VKORC1L1: variants seen among roughly 807,000 people sequenced by gnomAD.
The protein encoded by VKORC1L1 is vitamin K epoxide reductase complex subunit 1L1, also known as vitamin K epoxide reductase complex subunit 1-like protein 1.
In VKORC1L1, 2 loss-of-function variants were observed where a neutral mutation model predicts 18.9. That is an observed-to-expected ratio of 0.11 (90% CI 0.04 to 0.33). The LOEUF (loss-of-function observed/expected upper bound fraction) is 0.33. VKORC1L1 is among the 10% of genes least tolerant of loss of function. The pLI, the probability that VKORC1L1 is intolerant of heterozygous loss-of-function variation, is 1.00. For synonymous variants in VKORC1L1, 96 were observed against 100.0 expected, an observed-to-expected ratio of 0.96 and a Z score of 0.24; for missense variants, 123 against 224.1, an observed-to-expected ratio of 0.55 and a Z score of 2.88.
At chr7:65,868,332 G>A (rs1351568046), upstream of VKORC1L1, among the ~76,000 whole-genome samples, 1 of 152,132 alleles carries the variant, frequency 6.6e-6, no homozygotes, top group Non-Finnish European at 1.5e-5. Context: ...AAAGATGTTG[G>A]TGAGGATTCA....
chr7:65,926,647 C>G (rs1246247224), intron 1 of VKORC1L1, among the ~76,000 whole-genome samples: 1 of 152,192 alleles, frequency 6.6e-6, no homozygotes, highest in Non-Finnish European at 1.5e-5. Context: ...AAGACACCTG[C>G]ACATGCATGT....
intron 1 of VKORC1L1, among the ~76,000 whole-genome samples, chr7:65,939,009 A>G (rs187906816): frequency 6.6e-6 from 1 of 152,302 alleles, no homozygotes; most frequent in Admixed American, 6.5e-5. Context: ...TGAAGAGAAG[A>G]TTCTCAAAGA....
chr7:65,909,976 A>G (rs1387918132), intron 1 of VKORC1L1, among the ~76,000 whole-genome samples: 1 of 151,954 alleles, frequency 6.6e-6, no homozygotes, highest in African/African-American at 2.4e-5. Context: ...TCGGCCTCCC[A>G]AAGTGCTGGG....
At chr7:65,909,059 T>G (rs1373301851) in intron 1 of VKORC1L1, among the ~76,000 whole-genome samples, 1 of 147,380 alleles carries the variant, frequency 6.8e-6, no homozygotes, top group Non-Finnish European at 1.5e-5. Flanking sequence ...CACCTGAGGT[T>G]GGGAGTTCAA....
At chr7:65,936,730 T>G (rs1289905494) in intron 1 of VKORC1L1, among the ~76,000 whole-genome samples, 1 of 152,232 alleles carries the variant, frequency 6.6e-6, no homozygotes, top group Non-Finnish European at 1.5e-5. Flanking sequence ...CTTTCCTTGC[T>G]GGGATTTTCT....
chr7:65,947,386 A>T lies in VKORC1L1; in HGVS notation c.195-1285A>T, dbSNP rs189012570. 9.6e-3 allele frequency among the ~76,000 whole-genome samples: 1,395 copies of T among 144,896 alleles called. 25 individuals are homozygous for T. Among genetic ancestry groups the T allele is most frequent in the African/African-American group, 0.032 (1,256 of 39,618 alleles). On this transcript the variant is annotated intron_variant, in intron 1 of 2. Coordinates refer to ENST00000360768, the MANE Select transcript of VKORC1L1 (RefSeq NM_173517.6). ...CAAAGTTTAGATTTTGTTTAGACTG[A>T]TTCTCTACTGACTTAACACCATAAC...
At chr7:65,878,943 G>T (rs1033015222) in intron 1 of VKORC1L1, among the ~76,000 whole-genome samples, 21 of 152,108 alleles carry the variant, frequency 1.4e-4, no homozygotes, top group East Asian at 3.8e-4. Context: ...GTCTAGGTAA[G>T]GCATTCGCTG....
intron 2 of VKORC1L1, among the ~76,000 whole-genome samples, chr7:65,952,994 A>G (rs1790238849): frequency 6.6e-6 from 1 of 151,210 alleles, no homozygotes; most frequent in African/African-American, 2.4e-5. Context: ...AGGGGCTTTC[A>G]CCATGTTGGC....
intron 1 of VKORC1L1, among the ~76,000 whole-genome samples, chr7:65,907,111 A>G (rs538951979): frequency 6.6e-6 from 1 of 152,290 alleles, no homozygotes; most frequent in Admixed American, 6.5e-5. Flanking sequence ...TTTTCACATT[A>G]TAATGTGAAA....
chr7:65,937,734 C>T (rs955385991), intron 1 of VKORC1L1, among the ~76,000 whole-genome samples: 1 of 152,114 alleles, frequency 6.6e-6, no homozygotes, highest in Non-Finnish European at 1.5e-5. Flanking sequence ...TTTTTAATGC[C>T]TTGGTCTTAC....
intron 1 of VKORC1L1, among the ~76,000 whole-genome samples, chr7:65,878,623 G>A (rs1156590300): frequency 1.3e-5 from 2 of 151,966 alleles, no homozygotes; most frequent in East Asian, 3.9e-4. Flanking sequence ...TTAAATTCTT[G>A]GCTGGACGCA....
chr7:65,939,781 G>C (rs1790004697), intron 1 of VKORC1L1, among the ~76,000 whole-genome samples: 1 of 152,186 alleles, frequency 6.6e-6, no homozygotes, highest in Non-Finnish European at 1.5e-5. Flanking sequence ...TGGTGTCAGG[G>C]CCTAGCTGCT....
chr7:65,889,241 A>G (rs1436288626), intron 1 of VKORC1L1, among the ~76,000 whole-genome samples: 1 of 152,160 alleles, frequency 6.6e-6, no homozygotes, highest in African/African-American at 2.4e-5. Flanking sequence ...CAACATTTTT[A>G]TCTCTACCCC....
intron 1 of VKORC1L1, among the ~76,000 whole-genome samples, chr7:65,895,475 AAAAAAATATATATATATATAT>A (rs1789183163): frequency 7.0e-5 from 3 of 42,814 alleles, no homozygotes; most frequent in Non-Finnish European, 7.7e-5. Context: ...AAAAAAAAAA[AAAAAAATATATATATATATAT>A]ATATATATAT....
At chr7:65,883,042 A>C (rs1464861124) in intron 1 of VKORC1L1, among the ~76,000 whole-genome samples, 2 of 152,174 alleles carry the variant, frequency 1.3e-5, no homozygotes, top group Non-Finnish European at 2.9e-5. Flanking sequence ...AAACAAAACA[A>C]ATTTGACATA....
chr7:65,949,658 C>T (rs1395766273), intron 2 of VKORC1L1, among the ~76,000 whole-genome samples: 1 of 151,830 alleles, frequency 6.6e-6, no homozygotes, highest in Non-Finnish European at 1.5e-5. Context: ...GTGGCACACA[C>T]CTGTAGTCCC....
chr7:65,869,631 G>C (rs959586006), upstream of VKORC1L1, among the ~76,000 whole-genome samples: 1 of 137,396 alleles, frequency 7.3e-6, no homozygotes, highest in African/African-American at 2.6e-5. Context: ...GGCAAAACAC[G>C]ATTTCATTCT....
intron 1 of VKORC1L1, among the ~76,000 whole-genome samples, chr7:65,874,012 C>G (rs1333087520): frequency 1.3e-5 from 2 of 152,150 alleles, no homozygotes; most frequent in African/African-American, 4.8e-5. Flanking sequence ...TCCCCCCGAT[C>G]GCTGCAGCCG....
Position 65,893,394 on chromosome 7 carries a change from A to T in VKORC1L1, c.194+19829A>T, listed in dbSNP as rs551370152. Among the ~76,000 whole-genome samples, 10 of 152,178 alleles carry T rather than the reference A, an allele frequency of 6.6e-5. No homozygotes were observed. In the East Asian group the frequency reaches 1.9e-3, roughly 29 times the overall value. On this transcript the variant is annotated intron_variant, in intron 1 of 2. Transcript: ENST00000360768. ...CTGTTTCTACTAAAAATACAAAATT[A>T]GCTGGATGTGATAGCACATGCATTT...
Sources: gnomAD v4.1 joint callset for allele counts (sites outside exome capture counted in the v4.1 genomes callset) on GRCh38, gnomAD v4.1.1 for gene constraint, MANE v1.5 for transcripts, NCBI Gene and HGNC (gene_info 2026-07-23, HGNC 2026-07-21) for gene names.